ESPN: variants seen among roughly 807,000 people sequenced by gnomAD.
ESPN encodes the protein espin.
A neutral mutation model predicts 77.7 loss-of-function variants in ESPN; 68 were observed. The observed-to-expected ratio is 0.87, with a 90% confidence interval of 0.72 to 1.07. The LOEUF is 1.07. Among genes scored for constraint, ESPN ranks in the 50% least tolerant of loss-of-function variants. ESPN has a pLI of 0.00. For missense variants in ESPN, 1,060 were observed against 1,239.0 expected (o/e 0.86, Z 2.17); for synonymous variants, 449 against 567.1 (o/e 0.79, Z 2.96).
chr1:6,434,514 T>A (rs1230953122), intron 2 of ESPN, among the ~76,000 whole-genome samples: 1 of 152,196 alleles, frequency 6.6e-6, no homozygotes, highest in Admixed American at 6.5e-5. Flanking sequence ...TCATTGCATG[T>A]GACCCTAGAC....
chr1:6,457,081 A>C, intron 10 of ESPN, 103 bp from the exon 11 acceptor site: 1 of 1,139,768 alleles, frequency 8.8e-7, no homozygotes, highest in Non-Finnish European at 1.3e-6. Flanking sequence ...TGTGCATCAA[A>C]AGGATGTCTT....
chr1:6,424,944 G>A lies in ESPN; in HGVS notation c.-12G>A, dbSNP rs1434201377. On this transcript the variant is annotated 5_prime_UTR_variant, in exon 1 of 13. Transcript: ENST00000645284. ...GCGCTGAGTGCGGAGTCGCGGCGCC[G>A]CACGCGGCACCATGGCCCTGGAGCA... 3 of 1,437,312 alleles carry A rather than the reference G, an allele frequency of 2.1e-6. No individual in the cohort carries two copies. The highest frequency in any genetic ancestry group is 1.3e-5 in the South Asian group (1 of 74,948). The allele number at this position is 1,437,312 out of a possible 1,614,324, so 89.0% of individuals were successfully genotyped here.
At position 6,451,720 on chromosome 1, in the gene ESPN, T is replaced by C. The variant is rs571100785; in HGVS notation, c.2033T>C (p.Phe678Ser). The C allele has an allele frequency of 6.2e-7, 1 of 1,612,786 alleles. No individual in the cohort carries two copies. Among genetic ancestry groups the C allele is most frequent in the Non-Finnish European group, 8.5e-7 (1 of 1,179,862 alleles). The change falls in exon 9 of 13, where the codon TTC becomes TCC. Residue 678 changes from phenylalanine to serine, a missense_variant. Coordinates refer to ENST00000645284, the MANE Select transcript of ESPN (RefSeq NM_031475.3). The surrounding 1 kb of genome is among the most constrained non-coding windows in gnomAD (Gnocchi z 4.3). The part of the protein sequence containing the change: ...TPQSKGLTTV[F>S]SGIGQPAFQP... ...CAGAGCAAGGGGCTGACCACAGTGT[T>C]CTCAGGCATCGGGCAGCCGGCCTTC...
intron 8 of ESPN, among the ~76,000 whole-genome samples, chr1:6,449,957 T>G (rs1217287515): frequency 6.6e-6 from 1 of 152,098 alleles, no homozygotes; most frequent in Non-Finnish European, 1.5e-5. Context: ...TGACTAGAAG[T>G]GCAGAGCAGA....
At chr1:6,433,757 CCCTCTGCAGGGATCAGAGATA>C (rs1352552356) in intron 2 of ESPN, among the ~76,000 whole-genome samples, 3 of 152,182 alleles carry the variant, frequency 2.0e-5, no homozygotes, top group South Asian at 2.1e-4. Context: ...AGAGGCTGAT[CCCTCTGCAGGGATCAGAGATA>C]CCCGCCTGCA....
intron 10 of ESPN, among the ~76,000 whole-genome samples, chr1:6,453,956 C>T (rs1163624045): frequency 1.3e-5 from 2 of 152,116 alleles, no homozygotes; most frequent in African/African-American, 2.4e-5. Context: ...TCTGATTCTG[C>T]ACAGAAAACA....
chr1:6,439,792 G>A (rs1643553638), intron 2 of ESPN, among the ~76,000 whole-genome samples: 1 of 152,146 alleles, frequency 6.6e-6, no homozygotes, highest in Admixed American at 6.5e-5. Flanking sequence ...GGCGGATCAC[G>A]AGGTCAGGAG....
At position 6,428,261 on chromosome 1, in the gene ESPN, G is replaced by A. The variant is rs375449473; in HGVS notation, c.330G>A (p.Leu110=). Residue 110 remains leucine (L), a synonymous_variant, in exon 2 of 13, where the codon CTG becomes CTA. Coordinates refer to ENST00000645284, the MANE Select transcript of ESPN (RefSeq NM_031475.3). This position sits in a 1 kb window ranked among gnomAD's most constrained non-coding sequence, Gnocchi z 5.4. ...KDNSGATVLH[L]AARFGHPEVV... is the part of the protein sequence containing the mutation. The stretch of plus-strand genomic sequence containing the variant: ...ATTCTGGTGCCACAGTCTTGCATCT[G>A]GCTGCCCGCTTCGGCCACCCCGAGG... 1.4e-5 allele frequency: 22 copies of A among 1,613,410 alleles called. No individual in the cohort carries two copies. The highest frequency in any genetic ancestry group is 1.7e-5 in the Non-Finnish European group (20 of 1,179,998).
In ESPN at chr1:6,440,265, C is replaced by T; in HGVS notation, c.500C>T (p.Ala167Val). 1.3e-6 allele frequency: 2 copies of T among 1,549,538 alleles called. No homozygotes were observed. Among genetic ancestry groups the T allele is most frequent in the Non-Finnish European group, 1.7e-6 (2 of 1,146,754 alleles). Reference protein sequence around the residue: ...LVEHYPEGVNAQTKNGATPLY... With the variant: ...LVEHYPEGVNVQTKNGATPLY... ...CTGTGTCTCCGCAGGGGAGTGAATG[C>T]CCAAACCAAGAACGGTGCCACGCCC... is the stretch of plus-strand genomic sequence containing the variant. The change falls in exon 3 of 13, where the codon GCC (alanine) becomes GTC (valine). Residue 167 changes from alanine (A) to valine (V), a missense_variant. By Grantham distance (64) the Ala-to-Val change is moderately conservative. Transcript: ENST00000645284.
At chr1:6,432,729 G>C (rs895333839) in intron 2 of ESPN, among the ~76,000 whole-genome samples, 1 of 152,230 alleles carries the variant, frequency 6.6e-6, no homozygotes, top group African/African-American at 2.4e-5. Flanking sequence ...GAGCAGCCAG[G>C]CTCTGTGAGG....
chr1:6,426,562 C>G (rs536050468), intron 1 of ESPN, among the ~76,000 whole-genome samples: 1 of 152,176 alleles, frequency 6.6e-6, no homozygotes, highest in Non-Finnish European at 1.5e-5. Flanking sequence ...CCACCACGCA[C>G]GAGGCTCCTG....
chr1:6,429,135 G>A (rs1430512262), intron 2 of ESPN, among the ~76,000 whole-genome samples: 2 of 151,936 alleles, frequency 1.3e-5, no homozygotes, highest in African/African-American at 2.4e-5. Flanking sequence ...TGTTAGGTGC[G>A]CCTGGGGAGG....
rs115429931 is a variant in ESPN at position 6,456,894 on chromosome 1, C to T, written c.2326-290C>T. Among the ~76,000 whole-genome samples the T allele has an allele frequency of 4.5e-3, 692 of 152,326 alleles. 5 individuals are homozygous for T. The highest frequency in any genetic ancestry group is 0.015 in the African/African-American group (621 of 41,570). ...GCCTGTGGCCATTGGCCACCTGCCT[C>T]TGCGGGGAATCAGGCTCAGGACCTC... is the stretch of plus-strand genomic sequence containing the variant. On this transcript the variant is annotated intron_variant, in intron 10 of 12. Transcript: ENST00000645284.
chr1:6,440,600 C>CCCCAAA, intron 3 of ESPN, 26 bp from the exon 4 acceptor site: 1 of 1,207,216 alleles, frequency 8.3e-7, no homozygotes, highest in Non-Finnish European at 1.1e-6. Context: ...AGCCCCCGCC[C>CCCCAAA]CCCTCTCCCC....
intron 2 of ESPN, among the ~76,000 whole-genome samples, chr1:6,438,948 C>G (rs1338326439): frequency 6.6e-6 from 1 of 152,196 alleles, no homozygotes; most frequent in East Asian, 1.9e-4. Flanking sequence ...TGGGTTTCTA[C>G]TAAAAATACA....
intron 2 of ESPN, among the ~76,000 whole-genome samples, chr1:6,434,635 C>T (rs1185948292): frequency 2.0e-5 from 3 of 152,140 alleles, no homozygotes; most frequent in Non-Finnish European, 4.4e-5. Flanking sequence ...CTGGATGTCC[C>T]TTCTCATATT....
rs370178224 is a variant in ESPN at position 6,451,836 on chromosome 1, G to A, written c.2065G>A (p.Asp689Asn). 70 of 1,610,986 alleles carry A rather than the reference G, an allele frequency of 4.3e-5. No individual in the cohort carries two copies. Among genetic ancestry groups the A allele is most frequent in the Non-Finnish European group, 5.3e-5 (63 of 1,179,230 alleles). Residue 689 changes from aspartate to asparagine, a missense_variant, in exon 10 of 13, where the codon GAT becomes AAT. Physicochemically the swap from Asp to Asn is conservative, Grantham distance 23 (BLOSUM62 1). Transcript: ENST00000645284. This position sits in a 1 kb window ranked among gnomAD's most constrained non-coding sequence, Gnocchi z 4.3. ...SGIGQPAFQP[D>N]SPLPSVSPAL... ...GCCCCACCGCTTCTCCCTGCAGCCC[G>A]ATTCGCCGCTGCCTTCTGTGTCACC...
At position 6,450,380 on chromosome 1, in the gene ESPN, C is replaced by T; in HGVS notation, c.1916-1223C>T. 1 of 695,858 alleles carries T rather than the reference C, an allele frequency of 1.4e-6. No homozygotes were observed. The highest frequency in any genetic ancestry group is 1.8e-6 in the Non-Finnish European group (1 of 565,214). 43.1% of individuals were successfully genotyped at this position (695,858 alleles called of 1,614,324 possible). A position where few individuals can be genotyped will look rare whatever the true frequency, so the allele number is the denominator to read the frequency against. ...GGCCCGCTCCCTGTCCCCTGCTGTC[C>T]CAGTCTCATCCTGCCCCCCCTCCCT... On this transcript the variant is annotated intron_variant, in intron 8 of 12. Transcript: ENST00000645284. This position sits in a 1 kb window ranked among gnomAD's most constrained non-coding sequence, Gnocchi z 4.3.
chr1:6,454,583 C>T (rs1458254289), intron 10 of ESPN: 2 of 398,974 alleles, frequency 5.0e-6, no homozygotes, highest in Non-Finnish European at 8.8e-6. Context: ...AGGTGCTGCA[C>T]AAGGCGCAGA....
Sources: allele counts gnomAD v4.1 joint callset (sites outside exome capture counted in the v4.1 genomes callset), GRCh38; gene constraint gnomAD v4.1.1; non-coding constraint Gnocchi (gnomAD v3.1); transcripts MANE v1.5; gene names NCBI Gene and HGNC (gene_info 2026-07-23, HGNC 2026-07-21).